TTLL8: variants seen among roughly 807,000 people sequenced by gnomAD.
TTLL8 encodes the protein protein monoglycylase TTLL8.
Under a neutral mutation model 77.8 loss-of-function variants are expected in TTLL8, and 65 were observed. That is an observed-to-expected ratio of 0.84 (90% CI 0.68 to 1.03). The LOEUF is 1.03. Among genes scored for constraint, TTLL8 ranks in the 50% least tolerant of loss-of-function variants. The pLI, the probability that TTLL8 is intolerant of heterozygous loss-of-function variation, is 0.00. For missense variants in TTLL8, 910 were observed against 1,004.5 expected (o/e 0.91, Z 1.27); for synonymous variants, 402 against 422.8 (o/e 0.95, Z 0.60).
chr22:50,021,173 T>C (rs1235198638), intron 12 of TTLL8, among the ~76,000 whole-genome samples: 1 of 148,452 alleles, frequency 6.7e-6, no homozygotes, highest in Non-Finnish European at 1.5e-5. Flanking sequence ...TGTGCACTCC[T>C]CCATCTGACG....
At chr22:50,042,169 C>T (rs1306426080) in intron 6 of TTLL8, among the ~76,000 whole-genome samples, 1 of 152,172 alleles carries the variant, frequency 6.6e-6, no homozygotes, top group African/African-American at 2.4e-5. Flanking sequence ...AAATGAAAAA[C>T]TTCTGCTCTG....
intron 12 of TTLL8, among the ~76,000 whole-genome samples, chr22:50,022,596 T>C (rs950918467): frequency 1.3e-5 from 2 of 151,890 alleles, no homozygotes; most frequent in Admixed American, 1.3e-4. Flanking sequence ...TTTGACAATG[T>C]GTACTCCTCC....
chr22:50,022,124 ACTC>A lies in TTLL8; in HGVS notation c.2204-5565_2204-5563del, dbSNP rs1293186827. 4.5e-5 allele frequency among the ~76,000 whole-genome samples: 6 copies of A among 134,558 alleles called. No homozygotes were observed. In the East Asian group the frequency reaches 1.4e-3, roughly 31 times the overall value. The allele number at this position is 134,558 out of a possible 152,430, so 88.3% of individuals were successfully genotyped here. A position where few individuals can be genotyped will look rare whatever the true frequency, so the allele number is the denominator to read the frequency against. On this transcript the variant is annotated intron_variant, in intron 12 of 13. Coordinates refer to ENST00000266182, the Ensembl canonical transcript of TTLL8. The stretch of plus-strand genomic sequence containing the variant: ...TGCACTCCTCCATCTGACGATGTGC[ACTC>A]CTCCATCTGACATGCACTCCTCCAT...
intron 3 of TTLL8, 162 bp downstream of exon 5, chr22:50,049,087 C>T (rs1175593527): frequency 1.1e-6 from 1 of 951,450 alleles, no homozygotes; most frequent in African/African-American, 1.8e-5. Flanking sequence ...CTGGGGGCAG[C>T]CAGGCCCTGC....
At chr22:50,024,375 T>C (rs2061220340) in intron 12 of TTLL8, among the ~76,000 whole-genome samples, 1 of 152,148 alleles carries the variant, frequency 6.6e-6, no homozygotes, top group Admixed American at 6.5e-5. Context: ...TCCGCCCGCC[T>C]CGGCCTCCCA....
chr22:50,048,111 A>G (rs1331078466), intron 3 of TTLL8, among the ~76,000 whole-genome samples: 3 of 117,518 alleles, frequency 2.6e-5, no homozygotes, highest in African/African-American at 1.0e-4. Flanking sequence ...CACCCCCCCA[A>G]AAAAGTGTGT....
At position 50,034,687 on chromosome 22, in the gene TTLL8, C is replaced by CCAGACGAGGGCTGT. The variant is rs1350424505; in HGVS notation, c.922-239_922-226dup. On this transcript the variant is annotated intron_variant, in intron 8 of 13. Coordinates refer to ENST00000266182, the Ensembl canonical transcript of TTLL8. This position sits in a 1 kb window ranked among gnomAD's most constrained non-coding sequence, Gnocchi z 4.1. ...GAAAACACAGCCCTGTGAGGCTGCTCCAGACGAGGGCTGTGTTAAGACAGT... is the reference window on the plus strand; with the variant it reads ...GAAAACACAGCCCTGTGAGGCTGCTCCAGACGAGGGCTGTCAGACGAGGGCTGTGTTAAGACAGT... Among the ~76,000 whole-genome samples the CCAGACGAGGGCTGT allele has an allele frequency of 1.3e-5, 2 of 152,160 alleles. No individual in the cohort carries two copies. The highest frequency in any genetic ancestry group is 4.8e-5 in the African/African-American group (2 of 41,436).
chr22:50,031,704 G>A (rs745443823), exon 11 of TTLL8: 15 of 1,315,884 alleles, frequency 1.1e-5, no homozygotes, highest in East Asian at 9.7e-5. Context: ...ACAGGAGCTC[G>A]AAGTTGCCGA....
intron 8 of TTLL8, among the ~76,000 whole-genome samples, chr22:50,036,467 G>A (rs191065692): frequency 3.9e-4 from 60 of 152,298 alleles, no homozygotes; most frequent in African/African-American, 1.2e-3. Context: ...AGGAACGCCT[G>A]GGCTCCTCAA....
At chr22:50,025,581 C>T (rs2061226173) in intron 12 of TTLL8, among the ~76,000 whole-genome samples, 2 of 152,078 alleles carry the variant, frequency 1.3e-5, no homozygotes, top group South Asian at 2.1e-4. Flanking sequence ...CTTAGGTTGC[C>T]GTGAGCCGAG....
At chr22:50,027,488 C>G in intron 12 of TTLL8, 1 of 383,558 alleles carries the variant, frequency 2.6e-6, no homozygotes. Flanking sequence ...GAGCCAAGAT[C>G]GAGCCACTGC....
chr22:50,049,495 G>C (rs1361806171), intron 2 of TTLL8, among the ~76,000 whole-genome samples, 173 bp from the exon 5 acceptor site: 1 of 152,222 alleles, frequency 6.6e-6, no homozygotes, highest in East Asian at 1.9e-4. Context: ...GTCAGGCTTG[G>C]GGCATTCTGG....
intron 6 of TTLL8, among the ~76,000 whole-genome samples, chr22:50,042,141 A>C (rs1292504059): frequency 1.3e-5 from 2 of 152,186 alleles, no homozygotes; most frequent in East Asian, 3.8e-4. Context: ...GCAATTACTG[A>C]TAAGTTCGAC....
chr22:50,042,212 G>A (rs577562583), intron 6 of TTLL8, among the ~76,000 whole-genome samples: 4 of 152,248 alleles, frequency 2.6e-5, no homozygotes, highest in Admixed American at 6.5e-5. Flanking sequence ...GGGAAGACAA[G>A]CCACAGACTG....
In TTLL8 at chr22:50,041,859, C is replaced by G. The variant is rs1444081415; in HGVS notation, c.644-52G>C. On this transcript the variant is annotated intron_variant, in intron 6 of 13. Transcript: ENST00000266182. This position sits in a 1 kb window ranked among gnomAD's most constrained non-coding sequence, Gnocchi z 4.3. ...GTGGGAACCTCACCCAGGGGCAGCCCTGCCCGCCTCGAGGGGTGATGTCTA... is the reference window on the plus strand; with the variant it reads ...GTGGGAACCTCACCCAGGGGCAGCCGTGCCCGCCTCGAGGGGTGATGTCTA... 5.4e-6 allele frequency: 7 copies of G among 1,306,292 alleles called. No homozygotes were observed. Among genetic ancestry groups the G allele is most frequent in the Admixed American group, 4.9e-5 (2 of 41,098 alleles). The allele number at this position is 1,306,292 out of a possible 1,614,324, so 80.9% of individuals were successfully genotyped here.
intron 8 of TTLL8, among the ~76,000 whole-genome samples, chr22:50,036,186 C>T (rs775285482): frequency 1.7e-4 from 26 of 152,176 alleles, no homozygotes; most frequent in Non-Finnish European, 3.5e-4. Flanking sequence ...TGAGGACTGA[C>T]GGGCCCGAAG....
At chr22:50,024,181 G>A (rs1231479636) in intron 12 of TTLL8, among the ~76,000 whole-genome samples, 2 of 152,160 alleles carry the variant, frequency 1.3e-5, no homozygotes, top group Non-Finnish European at 2.9e-5. Context: ...CTGTCAACCA[G>A]GCTGGAGTGC....
chr22:50,031,829 G>A, exon 11 of TTLL8: 2 of 1,367,214 alleles, frequency 1.5e-6, no homozygotes, highest in Non-Finnish European at 2.0e-6. Context: ...ATCTCGATCA[G>A]CCAGGGCCTG....
chr22:50,020,154 G>T (rs1394673677), intron 12 of TTLL8, among the ~76,000 whole-genome samples: 1 of 152,134 alleles, frequency 6.6e-6, no homozygotes, highest in Non-Finnish European at 1.5e-5. Context: ...CATATTATTT[G>T]CACCAAGAAA....
Sources: allele counts gnomAD v4.1 joint callset (sites outside exome capture counted in the v4.1 genomes callset), GRCh38; gene constraint gnomAD v4.1.1; non-coding constraint Gnocchi (gnomAD v3.1); transcripts MANE v1.5; gene names NCBI Gene and HGNC (gene_info 2026-07-23, HGNC 2026-07-21).